Variants in GPR141 observed in about 807,000 individuals in gnomAD.
GPR141 encodes G protein-coupled receptor 141.
In GPR141, 6 loss-of-function variants were observed where a neutral mutation model predicts 6.8. The observed-to-expected ratio is 0.88, with a 90% CI of 0.48 to 1.74. The LOEUF is 1.74. Among genes scored for constraint, GPR141 ranks in the 40% most tolerant of loss-of-function variants. GPR141 has a pLI of 0.01. For synonymous variants in GPR141, 140 were observed against 142.3 expected (o/e 0.98, Z 0.11); for missense variants, 372 against 372.9 (o/e 1.00, Z 0.02).
chr7:37,733,885 A>G (rs1013151514), intron 2 of GPR141, among the ~76,000 whole-genome samples: 4 of 152,166 alleles, frequency 2.6e-5, no homozygotes, highest in African/African-American at 7.2e-5. Flanking sequence ...AAATTAATCA[A>G]TATTGGCCGA....
intron 2 of GPR141, among the ~76,000 whole-genome samples, chr7:37,710,334 A>C (rs994645663): frequency 6.6e-6 from 1 of 152,138 alleles, no homozygotes; most frequent in African/African-American, 2.4e-5. Context: ...ATGCAACTAC[A>C]TAGACTCCAT....
chr7:37,685,364 TCCTGCCTGCCTG>T (rs542068592), intron 1 of GPR141, 84 bp from the exon 2 acceptor site: 161 of 145,356 alleles, frequency 1.1e-3, no homozygotes, highest in African/African-American at 4.0e-3. Flanking sequence ...CCTCCTTCCT[TCCTGCCTGCCTG>T]CCTGCCTGCC....
chr7:37,715,450 C>T (rs1421554140), intron 2 of GPR141, among the ~76,000 whole-genome samples: 3 of 151,744 alleles, frequency 2.0e-5, no homozygotes, highest in African/African-American at 7.3e-5. Context: ...TTTTTTTCCT[C>T]CTTTAAAAAA....
intron 2 of GPR141, among the ~76,000 whole-genome samples, chr7:37,689,751 C>T (rs1809671540): frequency 6.6e-6 from 1 of 151,706 alleles, no homozygotes; most frequent in African/African-American, 2.4e-5. Flanking sequence ...TGTACAGTCT[C>T]TTTTCATTTC....
At chr7:37,729,696 T>G (rs1811822997) in intron 2 of GPR141, among the ~76,000 whole-genome samples, 1 of 152,066 alleles carries the variant, frequency 6.6e-6, no homozygotes, top group South Asian at 2.1e-4. Context: ...TGAAAGAAAA[T>G]GCAGTCTGTG....
At chr7:37,702,029 A>T (rs1187084299) in intron 2 of GPR141, among the ~76,000 whole-genome samples, 1 of 152,140 alleles carries the variant, frequency 6.6e-6, no homozygotes, top group Non-Finnish European at 1.5e-5. Context: ...TGTAATAATG[A>T]CATAGACATA....
chr7:37,716,953 G>T (rs1158650949), intron 2 of GPR141, among the ~76,000 whole-genome samples: 3 of 152,204 alleles, frequency 2.0e-5, no homozygotes, highest in African/African-American at 7.2e-5. Flanking sequence ...GCCTGCCAAG[G>T]GGCTGAGGGT....
In GPR141 at chr7:37,741,132, T is replaced by C; in HGVS notation, c.739T>C (p.Tyr247His). ...CCTTCCCTACCAGTTCTTTAGGATCTATTACTTGAATGTTGTGACGCATTC... is the reference window on the plus strand; with the variant it reads ...CCTTCCCTACCAGTTCTTTAGGATCCATTACTTGAATGTTGTGACGCATTC... Reference protein sequence around the residue: ...CFLPYQFFRIYYLNVVTHSNA... With the variant: ...CFLPYQFFRIHYLNVVTHSNA... The change falls in exon 3 of 3, where the codon TAT becomes CAT. Residue 247 changes from tyrosine (Y) to histidine (H), a missense_variant. Tyr to His is a moderately conservative substitution (Grantham distance 83). Transcript: ENST00000334425. 6.2e-7 allele frequency: 1 copy of C among 1,614,058 alleles called. No individual in the cohort carries two copies. The highest frequency in any genetic ancestry group is 2.2e-5 in the East Asian group (1 of 44,890).
chr7:37,703,560 G>A (rs1442336866), intron 2 of GPR141, among the ~76,000 whole-genome samples: 1 of 152,124 alleles, frequency 6.6e-6, no homozygotes, highest in South Asian at 2.1e-4. Flanking sequence ...TAGCATAGTT[G>A]CTAAGAAACA....
chr7:37,739,705 A>G (rs1202235621), intron 2 of GPR141, among the ~76,000 whole-genome samples: 6 of 152,128 alleles, frequency 3.9e-5, no homozygotes, highest in African/African-American at 1.4e-4. Flanking sequence ...ACGAATTTGC[A>G]AGGCCTTTGA....
At chr7:37,700,361 T>G (rs1810224574) in intron 2 of GPR141, among the ~76,000 whole-genome samples, 1 of 152,212 alleles carries the variant, frequency 6.6e-6, no homozygotes, top group African/African-American at 2.4e-5. Context: ...GCATGCTAAT[T>G]TCCTTTTTAT....
chr7:37,725,930 T>C (rs1811605639), intron 2 of GPR141, among the ~76,000 whole-genome samples: 1 of 152,158 alleles, frequency 6.6e-6, no homozygotes, highest in South Asian at 2.1e-4. Context: ...GCAACTTTGG[T>C]TCACTAATTG....
chr7:37,738,970 C>T (rs1812397035), intron 2 of GPR141, among the ~76,000 whole-genome samples: 1 of 152,032 alleles, frequency 6.6e-6, no homozygotes, highest in South Asian at 2.1e-4. Context: ...ATTGTCTCTC[C>T]CCACTTAATG....
intron 2 of GPR141, among the ~76,000 whole-genome samples, chr7:37,720,908 T>G (rs960895422): frequency 1.3e-5 from 2 of 152,204 alleles, no homozygotes; most frequent in Non-Finnish European, 2.9e-5. Context: ...AGTAGGCCTG[T>G]TTTAATTACT....
rs112081692 is a variant in GPR141, at chr7:37,695,844, C to T, written c.-15+10261C>T. ...AAATGTATATTGACAAGCCAACATGCCGTGTTGTCACTGTGTGGCGGTGGA... is the reference window on the plus strand; with the variant it reads ...AAATGTATATTGACAAGCCAACATGTCGTGTTGTCACTGTGTGGCGGTGGA... On this transcript the variant is annotated intron_variant, in intron 2 of 2. Coordinates refer to ENST00000334425, the MANE Select transcript of GPR141 (RefSeq NM_001381946.1). Among the ~76,000 whole-genome samples the T allele has an allele frequency of 7.9e-3, 1,200 of 152,244 alleles. 23 individuals carry two copies. The highest frequency in any genetic ancestry group is 0.027 in the African/African-American group (1,126 of 41,522).
At chr7:37,712,908 G>T (rs2131792915) in intron 2 of GPR141, among the ~76,000 whole-genome samples, 1 of 152,246 alleles carries the variant, frequency 6.6e-6, no homozygotes, top group Non-Finnish European at 1.5e-5. Flanking sequence ...ACTCTAGCTG[G>T]GCTGTCCTGG....
rs889313643 is a variant in GPR141 at position 37,743,353 on chromosome 7, A to G, written c.*2042A>G. Among the ~76,000 whole-genome samples, 1 of 152,174 alleles carries G rather than the reference A, an allele frequency of 6.6e-6. No homozygotes were observed. The highest frequency in any genetic ancestry group is 2.4e-5 in the African/African-American group (1 of 41,466). On this transcript the variant is annotated 3_prime_UTR_variant, in exon 3 of 3. Transcript: ENST00000334425. ...GCAGAAGTAGCAACATAGTTCAAAC[A>G]TGACTTGTTTCCATATATTTTCTGT...
At chr7:37,690,717 T>C (rs1457534635) in intron 2 of GPR141, among the ~76,000 whole-genome samples, 2 of 152,184 alleles carry the variant, frequency 1.3e-5, no homozygotes, top group East Asian at 1.9e-4. Context: ...GAGGATTGTT[T>C]TGTGGCCTAA....
At chr7:37,720,332 C>G (rs545886090) in intron 2 of GPR141, among the ~76,000 whole-genome samples, 14 of 152,176 alleles carry the variant, frequency 9.2e-5, no homozygotes, top group Non-Finnish European at 1.8e-4. Flanking sequence ...ACATGGCCCA[C>G]CTTGGGCTAG....
Sources: allele counts gnomAD v4.1 joint callset (sites outside exome capture counted in the v4.1 genomes callset), GRCh38; gene constraint gnomAD v4.1.1; transcripts MANE v1.5; gene names NCBI Gene and HGNC (gene_info 2026-07-23, HGNC 2026-07-21).